XRCC4: variants seen among roughly 807,000 people sequenced by gnomAD.
The protein encoded by XRCC4 is DNA repair protein XRCC4.
Under a neutral mutation model 39.1 loss-of-function variants are expected in XRCC4, and 28 were observed. That is an observed-to-expected ratio of 0.72 (90% CI 0.53 to 0.98). XRCC4 has a LOEUF of 0.98. Among genes scored for constraint, XRCC4 ranks in the 50% least tolerant of loss-of-function variants. The probability of loss-of-function intolerance (pLI) is 0.00; values close to 1 mark genes in which losing one functional copy is unlikely to be tolerated. For missense variants in XRCC4, 350 were observed against 376.4 expected (o/e 0.93, Z 0.58); for synonymous variants, 123 against 126.4 (o/e 0.97, Z 0.18).
At chr5:83,181,706 T>C (rs897353163) in intron 3 of XRCC4, among the ~76,000 whole-genome samples, 2 of 152,126 alleles carry the variant, frequency 1.3e-5, no homozygotes, top group Non-Finnish European at 2.9e-5. Context: ...CAGAGATTAA[T>C]GATTACAGGA....
At chr5:83,220,562 A>G (rs1752042240) in intron 6 of XRCC4, among the ~76,000 whole-genome samples, 1 of 152,180 alleles carries the variant, frequency 6.6e-6, no homozygotes, top group Non-Finnish European at 1.5e-5. Flanking sequence ...TGAAGGATGG[A>G]TATCAGCAGG....
At chr5:83,221,203 T>G (rs1752072958) in intron 6 of XRCC4, among the ~76,000 whole-genome samples, 1 of 152,172 alleles carries the variant, frequency 6.6e-6, no homozygotes. Context: ...ACTGTTATTT[T>G]TTATTATGGC....
chr5:83,134,318 A>G (rs993420954), intron 3 of XRCC4, among the ~76,000 whole-genome samples: 5 of 151,978 alleles, frequency 3.3e-5, no homozygotes, highest in African/African-American at 9.7e-5. Flanking sequence ...GTCTAGCTAA[A>G]GGATTGTAAA....
chr5:83,201,288 G>A (rs1373458398), intron 4 of XRCC4: 2 of 152,342 alleles, frequency 1.3e-5, no homozygotes, highest in African/African-American at 2.4e-5. Flanking sequence ...ACTGGCAGTG[G>A]CCTATAGCAA....
At chr5:83,117,667 GTGTGTGTATGTATGTA>G (rs1473832713) in intron 3 of XRCC4, among the ~76,000 whole-genome samples, 2 of 136,334 alleles carry the variant, frequency 1.5e-5, no homozygotes, top group African/African-American at 6.5e-5. Flanking sequence ...GTGTGTGTGT[GTGTGTGTATGTATGTA>G]TATGTATGTA....
rs181179125 is a variant in XRCC4 at position 83,353,352 on chromosome 5, T to G, written c.*110T>G. 15 of 817,500 alleles carry G rather than the reference T, an allele frequency of 1.8e-5. No individual in the cohort carries two copies. Among genetic ancestry groups the G allele is most frequent in the Middle Eastern group, 6.2e-4 (2 of 3,252 alleles). The allele number at this position is 817,500 out of a possible 1,614,324, so 50.6% of individuals were successfully genotyped here. On this transcript the variant is annotated 3_prime_UTR_variant, in exon 8 of 8. Coordinates refer to ENST00000396027, the MANE Select transcript of XRCC4 (RefSeq NM_003401.5). ...AGCCGCTATTACCGTATCTTACAAT[T>G]TAATTACATACACAGTGAATTGAAA...
intron 7 of XRCC4, among the ~76,000 whole-genome samples, chr5:83,294,987 G>A (rs1032409991): frequency 1.3e-5 from 2 of 151,980 alleles, no homozygotes; most frequent in Non-Finnish European, 2.9e-5. Context: ...GAGTTCTGGA[G>A]CATCATATCT....
At chr5:83,087,417 C>G (rs756735092) in intron 1 of XRCC4, among the ~76,000 whole-genome samples, 1 of 152,238 alleles carries the variant, frequency 6.6e-6, no homozygotes, top group Admixed American at 6.5e-5. Flanking sequence ...AATCCCAGCA[C>G]TTTGGGAGGC....
intron 7 of XRCC4, among the ~76,000 whole-genome samples, chr5:83,302,778 T>C (rs1016420470): frequency 7.2e-5 from 11 of 152,352 alleles, no homozygotes; most frequent in African/African-American, 2.6e-4. Flanking sequence ...ATTAAGGATT[T>C]GCAGTGTAAC....
intron 3 of XRCC4, among the ~76,000 whole-genome samples, chr5:83,120,073 T>G (rs1448907740): frequency 9.5e-6 from 1 of 105,298 alleles, no homozygotes; most frequent in African/African-American, 1.1e-4. Context: ...GAAAATAGCA[T>G]TGTAAAAACT....
At chr5:83,329,681 CA>C (rs1756376831) in intron 7 of XRCC4, among the ~76,000 whole-genome samples, 1 of 152,072 alleles carries the variant, frequency 6.6e-6, no homozygotes, top group Non-Finnish European at 1.5e-5. Context: ...AACACAGCAG[CA>C]CTTCTGTAAT....
chr5:83,161,183 T>C (rs1366595237), intron 3 of XRCC4, among the ~76,000 whole-genome samples: 1 of 151,794 alleles, frequency 6.6e-6, no homozygotes, highest in Non-Finnish European at 1.5e-5. Flanking sequence ...TGATTTCGGC[T>C]CACTGCAACC....
At chr5:83,207,511 G>A (rs1006488237) in intron 6 of XRCC4, among the ~76,000 whole-genome samples, 2 of 151,514 alleles carry the variant, frequency 1.3e-5, no homozygotes, top group Admixed American at 6.6e-5. Flanking sequence ...GTAAGTTTTC[G>A]ATGTCAAGAA....
intron 3 of XRCC4, among the ~76,000 whole-genome samples, chr5:83,160,593 T>A (rs992457269): frequency 4.6e-5 from 7 of 152,192 alleles, no homozygotes; most frequent in African/African-American, 1.4e-4. Flanking sequence ...AACCTTTTAT[T>A]AATATCATTC....
chr5:83,336,552 A>G (rs187402635), intron 7 of XRCC4, among the ~76,000 whole-genome samples: 4 of 152,320 alleles, frequency 2.6e-5, no homozygotes. Context: ...CACTTACTTA[A>G]ATTATCAAGA....
rs140914405 is a variant in XRCC4 at position 83,236,733 on chromosome 5, A to C, written c.746-21797A>C. On this transcript the variant is annotated intron_variant, in intron 6 of 7. Coordinates refer to ENST00000396027, the MANE Select transcript of XRCC4 (RefSeq NM_003401.5). ...CAAATGGGATCACATCAAACTAAAA[A>C]GCTTCTGCACAGCAAAGGAAAAAAA... Among the ~76,000 whole-genome samples the C allele has an allele frequency of 1.3e-4, 20 of 152,178 alleles. 1 individual carries two copies. In the East Asian group the frequency reaches 3.9e-3, roughly 29 times the overall value.
chr5:83,286,922 G>A (rs969232676), intron 7 of XRCC4, among the ~76,000 whole-genome samples: 15 of 152,062 alleles, frequency 9.9e-5, no homozygotes, highest in Non-Finnish European at 1.5e-4. Context: ...CAATGTGAAC[G>A]AGGTAGAGTT....
intron 3 of XRCC4, among the ~76,000 whole-genome samples, chr5:83,120,610 G>T (rs1357327391): frequency 1.3e-5 from 2 of 152,212 alleles, no homozygotes; most frequent in Non-Finnish European, 2.9e-5. Flanking sequence ...ATTGTGTGCT[G>T]TATATCAGCA....
At chr5:83,349,801 GC>G (rs1757026554) in intron 7 of XRCC4, among the ~76,000 whole-genome samples, 1 of 152,040 alleles carries the variant, frequency 6.6e-6, no homozygotes, top group Non-Finnish European at 1.5e-5. Context: ...GGGTACATGT[GC>G]GGGTTTGTTA....
Sources: allele counts gnomAD v4.1 joint callset (sites outside exome capture counted in the v4.1 genomes callset), GRCh38; gene constraint gnomAD v4.1.1; transcripts MANE v1.5; gene names NCBI Gene and HGNC (gene_info 2026-07-23, HGNC 2026-07-21).